Variants in PDE7B observed in about 807,000 individuals in gnomAD.
PDE7B encodes 3',5'-cyclic-AMP phosphodiesterase 7B.
In PDE7B, 29 loss-of-function variants were observed where a neutral mutation model predicts 56.2. That is an observed-to-expected ratio of 0.52 (90% confidence interval 0.38 to 0.70). PDE7B has a LOEUF of 0.70. PDE7B is among the 30% of genes least tolerant of loss of function. The pLI is 0.00. For synonymous variants in PDE7B, 197 were observed against 196.9 expected, an observed-to-expected ratio of 1.00 and a Z score of 0.00; for missense variants, 490 against 565.0, an observed-to-expected ratio of 0.87 and a Z score of 1.35.
chr6:136,156,151 A>C, intron 8 of PDE7B: 1 of 344,366 alleles, frequency 2.9e-6, no homozygotes, highest in South Asian at 2.2e-5. Flanking sequence ...AAGAGAAGAG[A>C]GAATGATCCA....
At chr6:135,940,485 A>C (rs978824138) in intron 1 of PDE7B, among the ~76,000 whole-genome samples, 1 of 152,228 alleles carries the variant, frequency 6.6e-6, no homozygotes, top group African/African-American at 2.4e-5. Context: ...CTGTTCACTT[A>C]TTCATTCACT....
Position 136,173,865 on chromosome 6 carries a change from T to G in PDE7B, c.780T>G (p.Leu260=). ...GCATGCTTCGAGAATCAAGGCTTCT[T>G]GCTCATTTGCCAAAGGAAATGACGT... The part of the protein sequence containing the change: ...TIGMLRESRL[L]AHLPKEMTQD... Residue 260 remains leucine, a synonymous_variant, in exon 9 of 13, where the codon CTT becomes CTG. Transcript: ENST00000308191. 4 of 1,612,194 alleles carry G rather than the reference T, an allele frequency of 2.5e-6. No homozygotes were observed. Among genetic ancestry groups the G allele is most frequent in the Non-Finnish European group, 3.4e-6 (4 of 1,178,374 alleles).
chr6:135,927,051 A>G (rs1470312010), intron 1 of PDE7B, among the ~76,000 whole-genome samples: 2 of 152,328 alleles, frequency 1.3e-5, no homozygotes, highest in Non-Finnish European at 1.5e-5. Context: ...ACTTGTTAGC[A>G]TATAGTTTAA....
At chr6:135,978,176 G>A (rs745525832) in intron 2 of PDE7B, among the ~76,000 whole-genome samples, 48 of 152,264 alleles carry the variant, frequency 3.2e-4, no homozygotes, top group Admixed American at 6.6e-4. Flanking sequence ...CCTATTGCTC[G>A]TAGGCTACAA....
chr6:136,189,886 A>T (rs1779194969), intron 12 of PDE7B, among the ~76,000 whole-genome samples: 1 of 152,196 alleles, frequency 6.6e-6, no homozygotes, highest in African/African-American at 2.4e-5. Flanking sequence ...CTTGGTGTCT[A>T]TTCAGACTTT....
intron 1 of PDE7B, among the ~76,000 whole-genome samples, chr6:135,911,140 A>AT (rs1222572763): frequency 6.6e-6 from 1 of 152,252 alleles, no homozygotes; most frequent in African/African-American, 2.4e-5. Flanking sequence ...TGAACATCTC[A>AT]TTAAACATAG....
intron 9 of PDE7B, among the ~76,000 whole-genome samples, chr6:136,175,912 A>G (rs1220777491): frequency 6.6e-6 from 1 of 152,114 alleles, no homozygotes; most frequent in East Asian, 1.9e-4. Flanking sequence ...AAAATGTACC[A>G]ATGTACCATC....
At chr6:135,935,792 A>G (rs1436088758) in intron 1 of PDE7B, among the ~76,000 whole-genome samples, 2 of 152,234 alleles carry the variant, frequency 1.3e-5, no homozygotes, top group African/African-American at 4.8e-5. Flanking sequence ...TCTCCAAAAT[A>G]TTGGATTTTC....
intron 2 of PDE7B, among the ~76,000 whole-genome samples, chr6:135,948,843 CTAGATAGATAGA>C (rs35143164): frequency 0.23 from 30,080 of 132,152 alleles, 3,675 homozygotes; most frequent in Admixed American, 0.28. Context: ...ATTTCAGGTA[CTAGATAGATAGA>C]TAGATAGATA....
chr6:135,851,799 C>A lies in PDE7B; in HGVS notation c.-200C>A, dbSNP rs1774944990. On this transcript the variant is annotated 5_prime_UTR_variant, in exon 1 of 13. Coordinates refer to ENST00000308191, the MANE Select transcript of PDE7B (RefSeq NM_018945.4). ...CAGGGAGAGTCTCTCTTTCTACCTTCCTTCTTTCTCGATCTCCTTGTGTGC... is the reference window on the plus strand; with the variant it reads ...CAGGGAGAGTCTCTCTTTCTACCTTACTTCTTTCTCGATCTCCTTGTGTGC... 1.8e-6 allele frequency: 1 copy of A among 564,038 alleles called. No individual in the cohort carries two copies. Among genetic ancestry groups the A allele is most frequent in the Non-Finnish European group, 3.1e-6 (1 of 318,582 alleles). The allele number at this position is 564,038 out of a possible 1,614,324, so 34.9% of individuals were successfully genotyped here. A position where few individuals can be genotyped will look rare whatever the true frequency, so the allele number is the denominator to read the frequency against.
intron 1 of PDE7B, among the ~76,000 whole-genome samples, chr6:135,924,394 A>T (rs1280494195): frequency 6.6e-6 from 1 of 152,136 alleles, no homozygotes; most frequent in African/African-American, 2.4e-5. Flanking sequence ...GCTCCATCCT[A>T]GCTTCCTCAA....
chr6:136,131,249 A>G (rs1778111929), intron 3 of PDE7B, among the ~76,000 whole-genome samples: 1 of 152,170 alleles, frequency 6.6e-6, no homozygotes, highest in South Asian at 2.1e-4. Flanking sequence ...ACATTATGCA[A>G]AATTATCAAT....
chr6:135,858,869 G>A (rs564195324), intron 1 of PDE7B, among the ~76,000 whole-genome samples: 1 of 152,106 alleles, frequency 6.6e-6, no homozygotes, highest in Non-Finnish European at 1.5e-5. Flanking sequence ...TGCAAAATTA[G>A]TATTTATTCA....
intron 1 of PDE7B, among the ~76,000 whole-genome samples, chr6:135,931,935 GCACACACACACGCGCGCGCACACACACA>G (rs1004753702): frequency 2.7e-5 from 3 of 111,206 alleles, no homozygotes; most frequent in South Asian, 6.7e-4. Context: ...TTGTTACCGC[GCACACACACACGCGCGCGCACACACACA>G]CACACACACA....
At chr6:135,897,199 C>T (rs181700425) in intron 1 of PDE7B, among the ~76,000 whole-genome samples, 30 of 152,214 alleles carry the variant, frequency 2.0e-4, no homozygotes, top group African/African-American at 6.5e-4. Flanking sequence ...TAAGCACAAA[C>T]TCTGAGGGTG....
intron 1 of PDE7B, among the ~76,000 whole-genome samples, chr6:135,883,057 T>C (rs919756049): frequency 6.6e-6 from 1 of 152,194 alleles, no homozygotes; most frequent in African/African-American, 2.4e-5. Context: ...TATCAGGGTG[T>C]CCAGGTGCCT....
chr6:136,132,893 C>T (rs1399096691), intron 3 of PDE7B, among the ~76,000 whole-genome samples: 2 of 152,134 alleles, frequency 1.3e-5, no homozygotes, highest in East Asian at 3.9e-4. Context: ...AGAATACAGA[C>T]ATGATTAGTC....
chr6:135,922,912 T>A (rs1222674376), intron 1 of PDE7B, among the ~76,000 whole-genome samples: 1 of 152,190 alleles, frequency 6.6e-6, no homozygotes, highest in Admixed American at 6.5e-5. Context: ...GACTTTACGA[T>A]TTGTTCCATC....
At chr6:136,183,188 G>A (rs896059161) in intron 11 of PDE7B, among the ~76,000 whole-genome samples, 1 of 152,112 alleles carries the variant, frequency 6.6e-6, no homozygotes, top group Non-Finnish European at 1.5e-5. Flanking sequence ...CTAAAGGCAG[G>A]CTTCCATGTA....
Sources: allele counts gnomAD v4.1 joint callset (sites outside exome capture counted in the v4.1 genomes callset), GRCh38; gene constraint gnomAD v4.1.1; transcripts MANE v1.5; gene names NCBI Gene and HGNC (gene_info 2026-07-23, HGNC 2026-07-21).